The following TDRD3 variants were observed in gnomAD, a reference collection of about 807,000 sequenced individuals.
The protein encoded by TDRD3 is tudor domain containing 3, also known as tudor domain-containing protein 3.
TDRD3 carries 45 observed loss-of-function variants against 86.7 expected under a neutral mutation model. The observed-to-expected ratio is 0.52, with a 90% CI of 0.41 to 0.67. The LOEUF is 0.67. TDRD3 is among the 30% of genes least tolerant of loss of function. The pLI is 0.00. For synonymous variants in TDRD3, 298 were observed against 301.7 expected (o/e 0.99, Z 0.13); for missense variants, 814 against 889.0 (o/e 0.92, Z 1.07).
intron 8 of TDRD3, among the ~76,000 whole-genome samples, chr13:60,508,752 A>C (rs1332684889): frequency 6.6e-6 from 1 of 152,220 alleles, no homozygotes; most frequent in Non-Finnish European, 1.5e-5. Context: ...GTCACTAAGC[A>C]AACTGATCAC....
At chr13:60,522,706 C>T (rs1484354560) in intron 10 of TDRD3, among the ~76,000 whole-genome samples, 2 of 152,142 alleles carry the variant, frequency 1.3e-5, no homozygotes, top group South Asian at 2.1e-4. Flanking sequence ...GGTTTTTCTG[C>T]GTTAATAGAA....
rs192827931 is a variant in TDRD3 at position 60,548,772 on chromosome 13, G to T, written c.2118+13539G>T. On this transcript the variant is annotated intron_variant, in intron 12 of 13. Coordinates refer to ENST00000377881, the MANE Select transcript of TDRD3 (RefSeq NM_001146070.2). ...ACGCTGGCAAGGATGCAGTGATATG[G>T]GTACTCTTATACATTGCTGATGGTG... Among the ~76,000 whole-genome samples the T allele has an allele frequency of 5.1e-3, 758 of 148,592 alleles. 3 individuals are homozygous for T. The highest frequency in any genetic ancestry group is 0.024 in the Middle Eastern group (7 of 286).
intron 1 of TDRD3, among the ~76,000 whole-genome samples, chr13:60,402,158 A>C (rs894939392): frequency 2.6e-5 from 4 of 152,224 alleles, no homozygotes; most frequent in African/African-American, 9.6e-5. Context: ...CTTCTCAAAC[A>C]CATTAATGAT....
At chr13:60,423,757 G>T (rs867988874) in intron 1 of TDRD3, among the ~76,000 whole-genome samples, 36 of 152,174 alleles carry the variant, frequency 2.4e-4, no homozygotes, top group South Asian at 4.1e-4. Context: ...TAATGACAGT[G>T]ACACTTTATA....
intron 12 of TDRD3, among the ~76,000 whole-genome samples, chr13:60,542,007 G>A (rs1039763127): frequency 2.6e-5 from 4 of 152,076 alleles, no homozygotes; most frequent in East Asian, 1.9e-4. Context: ...GATTACAGTC[G>A]TGAGCCACCG....
In TDRD3 at chr13:60,509,804, C is replaced by T; in HGVS notation, c.900C>T (p.Phe300=). The change falls in exon 9 of 14, where the codon TTC becomes TTT. Residue 300 remains phenylalanine, a synonymous_variant. Coordinates refer to ENST00000377881, the MANE Select transcript of TDRD3 (RefSeq NM_001146070.2). ...KALKHITEMG[F]SKEASRQALM... ...TGAAGCACATAACGGAAATGGGCTT[C>T]AGTAAGGAAGCATCGAGGCAAGCTC... 6.2e-7 allele frequency: 1 copy of T among 1,613,790 alleles called. No homozygotes were observed. Among genetic ancestry groups the T allele is most frequent in the Non-Finnish European group, 8.5e-7 (1 of 1,179,752 alleles).
chr13:60,439,109 T>TA (rs372164036), intron 1 of TDRD3, among the ~76,000 whole-genome samples: 184 of 151,928 alleles, frequency 1.2e-3, no homozygotes, highest in Middle Eastern at 3.4e-3. Context: ...AGACAATGCG[T>TA]AAAAAAAACT....
At position 60,460,392 on chromosome 13, in the gene TDRD3, T is replaced by C; in HGVS notation, c.205T>C (p.Cys69Arg). The C allele has an allele frequency of 6.2e-7, 1 of 1,602,652 alleles. No individual in the cohort carries two copies. Among genetic ancestry groups the C allele is most frequent in the Non-Finnish European group, 8.5e-7 (1 of 1,177,066 alleles). The change falls in exon 4 of 14, where the codon TGT becomes CGT. Residue 69 changes from cysteine to arginine, a missense_variant. Transcript: ENST00000377881. ...SGKVEKLEGP[C>R]VLQIQKIRNV... ...TCTGTTTTGACAGCTCGAAGGTCCA[T>C]GTGTTTTGCAAATTCAAAAAATTCG...
intron 10 of TDRD3, among the ~76,000 whole-genome samples, chr13:60,513,173 T>G (rs1170138668): frequency 6.6e-6 from 1 of 152,218 alleles, no homozygotes; most frequent in Non-Finnish European, 1.5e-5. Context: ...ATGCACCATC[T>G]GCAGTCACGG....
chr13:60,573,650 A>G lies in TDRD3; in HGVS notation c.*44A>G, dbSNP rs2138025789. ...GAAGAAACGAGCCAGTGACTGAAACACCCTGGTGGAAACCTGTTGACAGAC... is the reference window on the plus strand; with the variant it reads ...GAAGAAACGAGCCAGTGACTGAAACGCCCTGGTGGAAACCTGTTGACAGAC... On this transcript the variant is annotated 3_prime_UTR_variant, in exon 14 of 14. Coordinates refer to ENST00000377881, the MANE Select transcript of TDRD3 (RefSeq NM_001146070.2). 1.0e-6 allele frequency: 1 copy of G among 985,380 alleles called. No individual in the cohort carries two copies. The highest frequency in any genetic ancestry group is 4.7e-5 in the South Asian group (1 of 21,276). 61.0% of individuals were successfully genotyped at this position (985,380 alleles called of 1,614,324 possible). A position where few individuals can be genotyped will look rare whatever the true frequency, so the allele number is the denominator to read the frequency against.
chr13:60,406,345 G>A (rs112119303), intron 1 of TDRD3, among the ~76,000 whole-genome samples: 30 of 152,054 alleles, frequency 2.0e-4, no homozygotes, highest in African/African-American at 6.3e-4. Context: ...TGTAAAATAC[G>A]CACTGAATTT....
intron 1 of TDRD3, among the ~76,000 whole-genome samples, chr13:60,416,183 C>G (rs1161945525): frequency 6.6e-6 from 1 of 152,118 alleles, no homozygotes; most frequent in Non-Finnish European, 1.5e-5. Context: ...TTCACTGACT[C>G]TTTTCAATAA....
At chr13:60,531,231 G>C (rs1225187479) in intron 11 of TDRD3, among the ~76,000 whole-genome samples, 1 of 152,220 alleles carries the variant, frequency 6.6e-6, no homozygotes, top group East Asian at 1.9e-4. Flanking sequence ...CTATTAGGAA[G>C]ACTTGAAAAG....
Position 60,441,182 on chromosome 13 carries a change from T to C in TDRD3, c.126+1410T>C, listed in dbSNP as rs1955259568. On this transcript the variant is annotated intron_variant, in intron 2 of 13. Coordinates refer to ENST00000377881, the MANE Select transcript of TDRD3 (RefSeq NM_001146070.2). ...AAAACTGTTTGTCTTGCACTGAAAT[T>C]AGTTAATTCTATTGCTTAAAAATAT... Among the ~76,000 whole-genome samples, 3 of 152,268 alleles carry C rather than the reference T, an allele frequency of 2.0e-5. 1 individual carries two copies. The South Asian group carries it at 6.2e-4, about 32-fold the overall frequency.
At chr13:60,543,339 G>T (rs553160050) in intron 12 of TDRD3, among the ~76,000 whole-genome samples, 1 of 152,038 alleles carries the variant, frequency 6.6e-6, no homozygotes, top group African/African-American at 2.4e-5. Context: ...TCCACTTCAT[G>T]GTTAAACAAA....
At chr13:60,507,680 T>C (rs536046040) in intron 8 of TDRD3, among the ~76,000 whole-genome samples, 2 of 152,276 alleles carry the variant, frequency 1.3e-5, no homozygotes, top group South Asian at 4.1e-4. Flanking sequence ...CTGGGACACA[T>C]TTAAAGCAAT....
chr13:60,471,260 G>A (rs1956071861), intron 5 of TDRD3, among the ~76,000 whole-genome samples: 1 of 152,088 alleles, frequency 6.6e-6, no homozygotes, highest in African/African-American at 2.4e-5. Flanking sequence ...TTTTGCATGT[G>A]AATATCCAGT....
At chr13:60,480,305 A>G (rs1249321280) in intron 5 of TDRD3, among the ~76,000 whole-genome samples, 5 of 152,106 alleles carry the variant, frequency 3.3e-5, no homozygotes, top group Admixed American at 2.6e-4. Flanking sequence ...TTCTTTAAGG[A>G]TATTGAAAAT....
At chr13:60,414,007 G>A (rs1954431606) in intron 1 of TDRD3, among the ~76,000 whole-genome samples, 1 of 152,074 alleles carries the variant, frequency 6.6e-6, no homozygotes, top group Non-Finnish European at 1.5e-5. Flanking sequence ...CAGCTGAAGG[G>A]AGGTATTTTC....
Sources: allele counts gnomAD v4.1 joint callset (sites outside exome capture counted in the v4.1 genomes callset), GRCh38; gene constraint gnomAD v4.1.1; transcripts MANE v1.5; gene names NCBI Gene and HGNC (gene_info 2026-07-23, HGNC 2026-07-21).